The following EBF1 variants were observed in gnomAD, a reference collection of about 807,000 sequenced individuals.
The protein encoded by EBF1 is transcription factor COE1.
Under a neutral mutation model 68.4 loss-of-function variants are expected in EBF1, and 10 were observed. The ratio of observed to expected loss-of-function variants is 0.15; its 90% CI spans 0.09 to 0.25. The LOEUF is 0.25. Among genes scored for constraint, EBF1 ranks in the 10% least tolerant of loss-of-function variants. The pLI, the probability that EBF1 is intolerant of heterozygous loss-of-function variation, is 1.00. For missense variants in EBF1, 509 were observed against 794.4 expected, an observed-to-expected ratio of 0.64 and a Z score of 4.32; for synonymous variants, 298 against 299.8, an observed-to-expected ratio of 0.99 and a Z score of 0.06.
At position 159,002,557 on chromosome 5, in the gene EBF1, T is replaced by C. The variant is rs192722940; in HGVS notation, c.554+70839A>G. Among the ~76,000 whole-genome samples, 13 of 152,338 alleles carry C rather than the reference T, an allele frequency of 8.5e-5. No homozygotes were observed. In the East Asian group the frequency reaches 1.7e-3, roughly 20 times the overall value. Reference sequence around the variant, plus strand: ...AGCCAGAGTGAATTATTTCCTATTTTCCAGGCTTATGTTTAAAAATCCATA... The same window carrying C: ...AGCCAGAGTGAATTATTTCCTATTTCCCAGGCTTATGTTTAAAAATCCATA... On this transcript the variant is annotated intron_variant, in intron 6 of 15. Coordinates refer to ENST00000313708, the MANE Select transcript of EBF1 (RefSeq NM_024007.5).
intron 6 of EBF1, among the ~76,000 whole-genome samples, chr5:158,886,463 C>G (rs1042039841): frequency 6.6e-6 from 1 of 152,186 alleles, no homozygotes; most frequent in Non-Finnish European, 1.5e-5. Context: ...TAGATTAAAG[C>G]ATTTCTGTAC....
At chr5:158,711,475 TCA>T (rs1759287134) in intron 14 of EBF1, among the ~76,000 whole-genome samples, 1 of 152,212 alleles carries the variant, frequency 6.6e-6, no homozygotes, top group African/African-American at 2.4e-5. Flanking sequence ...TCTCTATGTC[TCA>T]CAACACTGGA....
At chr5:159,026,014 C>T (rs1317799518) in intron 6 of EBF1, among the ~76,000 whole-genome samples, 8 of 152,124 alleles carry the variant, frequency 5.3e-5, no homozygotes, top group African/African-American at 1.2e-4. Context: ...ATGTCTGTTA[C>T]GTGAAGGAAG....
At chr5:158,963,584 C>T (rs940044339) in intron 6 of EBF1, among the ~76,000 whole-genome samples, 2 of 152,248 alleles carry the variant, frequency 1.3e-5, no homozygotes, top group African/African-American at 4.8e-5. Context: ...ACAAATAGAA[C>T]GACCCCAGGG....
intron 6 of EBF1, among the ~76,000 whole-genome samples, chr5:159,044,373 G>C (rs6898124): frequency 0.079 from 12,088 of 152,098 alleles, 504 homozygotes; most frequent in Middle Eastern, 0.12. Context: ...TATTGTTGTT[G>C]TTTTAATCTA....
rs869228922 is a variant in EBF1, at chr5:159,094,165, C to CAAAAA, written c.411+1450_411+1454dup. Among the ~76,000 whole-genome samples the CAAAAA allele has an allele frequency of 2.8e-3, 62 of 21,878 alleles. 10 individuals are homozygous for CAAAAA. The highest frequency in any genetic ancestry group is 4.3e-3 in the African/African-American group (31 of 7,216). 14.4% of individuals were successfully genotyped at this position (21,878 alleles called of 152,430 possible). ...GCTTTTGTGTTTCTGCCTTGGAAGG[C>CAAAAA]AAAAAAAAAAAAAAAAAAAAAAAAA... On this transcript the variant is annotated intron_variant, in intron 4 of 15. Transcript: ENST00000313708.
chr5:159,018,573 A>G (rs1766061686), intron 6 of EBF1, among the ~76,000 whole-genome samples: 1 of 152,212 alleles, frequency 6.6e-6, no homozygotes, highest in East Asian at 1.9e-4. Flanking sequence ...CATAGTTGAA[A>G]TCAGAAGGAT....
chr5:158,760,897 G>A (rs1771293846), intron 10 of EBF1, among the ~76,000 whole-genome samples: 1 of 152,160 alleles, frequency 6.6e-6, no homozygotes, highest in Admixed American at 6.5e-5. Context: ...TAAATAAGAT[G>A]CAGTATCTGA....
At chr5:158,843,776 G>C (rs1790820732) in intron 6 of EBF1, among the ~76,000 whole-genome samples, 1 of 152,166 alleles carries the variant, frequency 6.6e-6, no homozygotes, top group Non-Finnish European at 1.5e-5. Context: ...TTCCTTAAAG[G>C]AACTGAGAGG....
chr5:158,840,195 A>G, intron 6 of EBF1, 85 bp from the exon 7 acceptor site: 1 of 949,038 alleles, frequency 1.1e-6, no homozygotes, highest in Non-Finnish European at 1.7e-6. Context: ...TGGGTTGTGC[A>G]TTCGATTCTC....
rs146949782 is a variant in EBF1, at chr5:158,808,710, A to T, written c.779-12235T>A. ...GTACAGAGTGGGCAAAAATTGTGAG[A>T]TGATGACGAAGAGGAGGAGGAAGAA... On this transcript the variant is annotated intron_variant, in intron 8 of 15. Transcript: ENST00000313708. Among the ~76,000 whole-genome samples the T allele has an allele frequency of 5.3e-4, 81 of 152,314 alleles. 1 individual carries two copies. The South Asian group carries it at 0.015, about 28-fold the overall frequency.
chr5:158,862,841 A>G (rs1197312543), intron 6 of EBF1, among the ~76,000 whole-genome samples: 1 of 152,248 alleles, frequency 6.6e-6, no homozygotes, highest in Admixed American at 6.5e-5. Context: ...TTAAAATTAT[A>G]CCTGGAAATT....
At chr5:158,754,797 T>C (rs922970719) in intron 10 of EBF1, among the ~76,000 whole-genome samples, 5 of 152,124 alleles carry the variant, frequency 3.3e-5, no homozygotes, top group African/African-American at 1.2e-4. Context: ...GCACCTTATT[T>C]TGCTCTAAAC....
chr5:158,823,937 T>TAA (rs35469600), intron 7 of EBF1, among the ~76,000 whole-genome samples: 264 of 149,420 alleles, frequency 1.8e-3, no homozygotes, highest in African/African-American at 4.5e-3. Flanking sequence ...TGTTTCAAAT[T>TAA]AAAAAAAAAA....
chr5:158,876,690 C>CA (rs1391761190), intron 6 of EBF1, among the ~76,000 whole-genome samples: 7 of 152,192 alleles, frequency 4.6e-5, no homozygotes, highest in African/African-American at 1.7e-4. Context: ...AATTTGGAGG[C>CA]ATGAAAATAC....
At chr5:159,012,128 A>C (rs747241479) in intron 6 of EBF1, among the ~76,000 whole-genome samples, 37 of 152,040 alleles carry the variant, frequency 2.4e-4, no homozygotes, top group Non-Finnish European at 4.9e-4. Flanking sequence ...CTCTACTAAA[A>C]ATACATAAAT....
chr5:158,710,021 C>T (rs1057199266), intron 14 of EBF1, among the ~76,000 whole-genome samples: 5 of 152,140 alleles, frequency 3.3e-5, no homozygotes, highest in African/African-American at 1.2e-4. Context: ...AGTTATCAGC[C>T]ACCACACCAG....
intron 6 of EBF1, among the ~76,000 whole-genome samples, chr5:159,062,396 A>G (rs758507976): frequency 2.1e-5 from 3 of 145,974 alleles, no homozygotes; most frequent in Non-Finnish European, 4.5e-5. Context: ...GGCTGGGGAA[A>G]GGGATGCCCT....
chr5:158,899,157 AAC>A (rs1802769643), intron 6 of EBF1, among the ~76,000 whole-genome samples: 1 of 152,240 alleles, frequency 6.6e-6, no homozygotes, highest in Admixed American at 6.5e-5. Context: ...TTTAAAATAA[AAC>A]AGTTTCTGCC....
Sources: allele counts gnomAD v4.1 joint callset (sites outside exome capture counted in the v4.1 genomes callset), GRCh38; gene constraint gnomAD v4.1.1; transcripts MANE v1.5; gene names NCBI Gene and HGNC (gene_info 2026-07-23, HGNC 2026-07-21).